Variants in ITSN1 observed in about 807,000 individuals in gnomAD.
The protein encoded by ITSN1 is intersectin 1.
Under a neutral mutation model 239.8 loss-of-function variants are expected in ITSN1, and 58 were observed. The ratio of observed to expected loss-of-function variants is 0.24; its 90% CI spans 0.20 to 0.30. The LOEUF (loss-of-function observed/expected upper bound fraction) is 0.30, where lower values mean the gene tolerates loss of function less well. Among genes scored for constraint, ITSN1 ranks in the 10% least tolerant of loss-of-function variants. ITSN1 has a pLI of 1.00. For synonymous variants in ITSN1, 780 were observed against 770.8 expected (o/e 1.01, Z -0.20); for missense variants, 1,558 against 2,103.3 (o/e 0.74, Z 5.07).
intron 1 of ITSN1, among the ~76,000 whole-genome samples, chr21:33,713,986 C>T (rs1040366969): frequency 5.3e-5 from 8 of 152,060 alleles, no homozygotes; most frequent in Non-Finnish European, 1.0e-4. Flanking sequence ...AGGCATGTGC[C>T]ACCACACCGG....
At chr21:33,776,428 G>T (rs1417572395) in intron 14 of ITSN1, among the ~76,000 whole-genome samples, 1 of 151,180 alleles carries the variant, frequency 6.6e-6, no homozygotes, top group East Asian at 1.9e-4. Context: ...TGGCATGGGG[G>T]CGTTCACCTG....
At chr21:33,842,600 A>G (rs950499924) in intron 29 of ITSN1, among the ~76,000 whole-genome samples, 2 of 152,084 alleles carry the variant, frequency 1.3e-5, no homozygotes, top group Admixed American at 1.3e-4. Flanking sequence ...AGTAGGTCAA[A>G]CGGTGAGTTC....
At chr21:33,730,999 A>T (rs534158737) in intron 4 of ITSN1, among the ~76,000 whole-genome samples, 26 of 152,334 alleles carry the variant, frequency 1.7e-4, no homozygotes, top group African/African-American at 5.8e-4. Flanking sequence ...CCCAGCCGTA[A>T]CTACCATATT....
At chr21:33,826,944 C>A in intron 26 of ITSN1, 81 bp downstream of exon 26, 1 of 1,113,766 alleles carries the variant, frequency 9.0e-7, no homozygotes, top group Non-Finnish European at 1.4e-6. Flanking sequence ...GTATTAGGGC[C>A]AGAAGCCTAA....
At chr21:33,751,635 C>A (rs577748725) in intron 6 of ITSN1, among the ~76,000 whole-genome samples, 175 bp from the exon 7 acceptor site, 1 of 152,200 alleles carries the variant, frequency 6.6e-6, no homozygotes, top group South Asian at 2.1e-4. Context: ...AATCTAGAAA[C>A]CTTTTTGGCA....
chr21:33,796,750 AT>A (rs2071595463), intron 17 of ITSN1, among the ~76,000 whole-genome samples: 1 of 152,206 alleles, frequency 6.6e-6, no homozygotes, highest in African/African-American at 2.4e-5. Context: ...TTATTATGTC[AT>A]TTGTTATTAC....
chr21:33,752,309 C>T (rs2067610379), intron 7 of ITSN1, among the ~76,000 whole-genome samples: 1 of 151,760 alleles, frequency 6.6e-6, no homozygotes, highest in South Asian at 2.1e-4. Context: ...TTATAGTTGG[C>T]CTTATTTTTA....
chr21:33,852,815 G>A (rs993797953), intron 29 of ITSN1, among the ~76,000 whole-genome samples: 2 of 152,012 alleles, frequency 1.3e-5, no homozygotes, highest in Admixed American at 6.5e-5. Flanking sequence ...TTCTCCTCTC[G>A]TTTTTCCCTG....
intron 5 of ITSN1, among the ~76,000 whole-genome samples, chr21:33,747,550 CG>C (rs2067259442): frequency 6.6e-6 from 1 of 152,106 alleles, no homozygotes; most frequent in African/African-American, 2.4e-5. Flanking sequence ...AGTTAACCTA[CG>C]GAAGCCAAAC....
intron 4 of ITSN1, among the ~76,000 whole-genome samples, chr21:33,723,908 C>T (rs555557615): frequency 6.6e-6 from 1 of 152,152 alleles, no homozygotes; most frequent in Non-Finnish European, 1.5e-5. Flanking sequence ...CTACTTTGTC[C>T]TCTTAAATTA....
chr21:33,658,587 G>T (rs1262908059), intron 1 of ITSN1, among the ~76,000 whole-genome samples: 2 of 152,192 alleles, frequency 1.3e-5, no homozygotes, highest in Admixed American at 6.5e-5. Flanking sequence ...ACGATTGTAT[G>T]TGCAGTTCAT....
chr21:33,827,525 C>T (rs1172655337), intron 26 of ITSN1, among the ~76,000 whole-genome samples: 1 of 152,182 alleles, frequency 6.6e-6, no homozygotes, highest in Non-Finnish European at 1.5e-5. Flanking sequence ...TCCTCTTAGG[C>T]TTGGTTAGCC....
Position 33,865,381 on chromosome 21 carries a change from T to C in ITSN1, c.4074+47T>C, listed in dbSNP as rs1981381554. On this transcript the variant is annotated intron_variant, in intron 32 of 39. Transcript: ENST00000381318. The surrounding 1 kb of genome is among the most constrained non-coding windows in gnomAD (Gnocchi z 4.4). ...AGACTGGGCCCCAGAGTGGCGATCT[T>C]TGGGCAGCTGGATGTGTGAGGGGCT... 3 of 1,418,570 alleles carry C rather than the reference T, an allele frequency of 2.1e-6. No homozygotes were observed. Among genetic ancestry groups the C allele is most frequent in the Admixed American group, 2.6e-5 (1 of 39,004 alleles). 87.9% of individuals were successfully genotyped at this position (1,418,570 alleles called of 1,614,324 possible). A position where few individuals can be genotyped will look rare whatever the true frequency, so the allele number is the denominator to read the frequency against.
At chr21:33,764,079 GC>G (rs2068552272) in intron 9 of ITSN1, among the ~76,000 whole-genome samples, 1 of 152,030 alleles carries the variant, frequency 6.6e-6, no homozygotes, top group Non-Finnish European at 1.5e-5. Flanking sequence ...GTATCCTAGG[GC>G]CCCCTGAAAT....
At chr21:33,800,930 C>T (rs1183569152) in intron 19 of ITSN1, among the ~76,000 whole-genome samples, 4 of 151,682 alleles carry the variant, frequency 2.6e-5, no homozygotes, top group South Asian at 2.1e-4. Flanking sequence ...CTCCCTGCAA[C>T]CTCTGCCTCC....
chr21:33,734,578 G>A (rs1263884953), intron 4 of ITSN1, among the ~76,000 whole-genome samples: 1 of 152,130 alleles, frequency 6.6e-6, no homozygotes, highest in Non-Finnish European at 1.5e-5. Flanking sequence ...TACAAAGAAT[G>A]CAATCTAAGT....
At chr21:33,822,021 G>T (rs2073708062) in intron 24 of ITSN1, among the ~76,000 whole-genome samples, 1 of 152,180 alleles carries the variant, frequency 6.6e-6, no homozygotes, top group African/African-American at 2.4e-5. Context: ...CACTGTGGAG[G>T]TATGTGTTAC....
At chr21:33,753,329 C>G (rs1016261736) in intron 7 of ITSN1, among the ~76,000 whole-genome samples, 4 of 152,194 alleles carry the variant, frequency 2.6e-5, no homozygotes, top group African/African-American at 7.2e-5. Flanking sequence ...CCATAGCTAC[C>G]TATGCAGTAG....
At chr21:33,786,020 G>A (rs192759908) in intron 16 of ITSN1, among the ~76,000 whole-genome samples, 33 of 152,316 alleles carry the variant, frequency 2.2e-4, no homozygotes, top group African/African-American at 7.2e-4. Context: ...GAGAAGAGGA[G>A]AAACGATAGC....
Sources: allele counts gnomAD v4.1 joint callset (sites outside exome capture counted in the v4.1 genomes callset), GRCh38; gene constraint gnomAD v4.1.1; non-coding constraint Gnocchi (gnomAD v3.1); transcripts MANE v1.5; gene names NCBI Gene and HGNC (gene_info 2026-07-23, HGNC 2026-07-21).